Variants in DGKZ observed in about 807,000 individuals in gnomAD.
The protein encoded by DGKZ is diacylglycerol kinase zeta.
In DGKZ, 45 loss-of-function variants were observed where a neutral mutation model predicts 142.5. The observed-to-expected ratio is 0.32, with a 90% CI of 0.25 to 0.40. The LOEUF (loss-of-function observed/expected upper bound fraction) is 0.40. DGKZ is among the 10% of genes least tolerant of loss of function. The probability of loss-of-function intolerance (pLI) is 1.00; values close to 1 mark genes in which losing one functional copy is unlikely to be tolerated. For missense variants in DGKZ, 755 were observed against 1,306.5 expected (o/e 0.58, Z 6.51); for synonymous variants, 442 against 527.0 (o/e 0.84, Z 2.21).
chr11:46,347,503 C>A lies in DGKZ; in HGVS notation c.-157C>A. 5.1e-6 allele frequency: 5 copies of A among 982,428 alleles called. No individual in the cohort carries two copies. The highest frequency in any genetic ancestry group is 6.0e-6 in the Non-Finnish European group (5 of 829,100). 60.9% of individuals were successfully genotyped at this position (982,428 alleles called of 1,614,324 possible). A position where few individuals can be genotyped will look rare whatever the true frequency, so the allele number is the denominator to read the frequency against. On this transcript the variant is annotated 5_prime_UTR_variant, in exon 1 of 31. Coordinates refer to ENST00000527911, the Ensembl canonical transcript of DGKZ. This position sits in a 1 kb window ranked among gnomAD's most constrained non-coding sequence, Gnocchi z 6.4. Reference sequence around the variant, plus strand: ...GGCGGCGGCAGCGGCTTCCCGGGCACCTGGGCGTGGGGAGCGGGGGCGCGC... The same window carrying A: ...GGCGGCGGCAGCGGCTTCCCGGGCAACTGGGCGTGGGGAGCGGGGGCGCGC...
In DGKZ at chr11:46,372,177, G is replaced by A. The variant is rs756214779; in HGVS notation, c.927+7G>A. 61 of 1,600,534 alleles carry A rather than the reference G, an allele frequency of 3.8e-5. 1 individual carries two copies. Among genetic ancestry groups the A allele is most frequent in the South Asian group, 2.7e-4 (24 of 89,632 alleles). On this transcript the variant is annotated splice_region_variant and intron_variant, in intron 10 of 30. Coordinates refer to ENST00000527911, the Ensembl canonical transcript of DGKZ. The surrounding 1 kb of genome is among the most constrained non-coding windows in gnomAD (Gnocchi z 5.9). ...CAAGAGTGGGGGCAACCAGGTGAAC[G>A]CGGCCTTGCCTCTCAGCTAAGGGCT...
intron 1 of DGKZ, among the ~76,000 whole-genome samples, chr11:46,349,035 C>T (rs1941035857): frequency 6.6e-6 from 1 of 152,210 alleles, no homozygotes; most frequent in Non-Finnish European, 1.5e-5. Context: ...GGGCGGTTTT[C>T]TCCTGTCGTG....
chr11:46,378,016 G>A (rs756209637), intron 25 of DGKZ, 182 bp from the exon 26 acceptor site: 20 of 704,714 alleles, frequency 2.8e-5, no homozygotes, highest in Non-Finnish European at 4.1e-5. Context: ...TAAGCTCCAT[G>A]AGGGCAAGGC....
chr11:46,372,252 C>T lies in DGKZ; in HGVS notation c.927+82C>T, dbSNP rs1056627543. 2 of 1,411,872 alleles carry T rather than the reference C, an allele frequency of 1.4e-6. No homozygotes were observed. Among genetic ancestry groups the T allele is most frequent in the Non-Finnish European group, 1.9e-6 (2 of 1,035,504 alleles). 87.5% of individuals were successfully genotyped at this position (1,411,872 alleles called of 1,614,324 possible). On this transcript the variant is annotated intron_variant, in intron 10 of 30. Transcript: ENST00000527911. This position sits in a 1 kb window ranked among gnomAD's most constrained non-coding sequence, Gnocchi z 5.9. ...GTCTGCCAGCAGCTGTTCCCAGAGCCCGTTTCTGGCTTCTACCCCAATCCC... is the reference window on the plus strand; with the variant it reads ...GTCTGCCAGCAGCTGTTCCCAGAGCTCGTTTCTGGCTTCTACCCCAATCCC...
At chr11:46,339,363 G>A (rs907767182) in intron 1 of DGKZ, among the ~76,000 whole-genome samples, 3 of 152,252 alleles carry the variant, frequency 2.0e-5, no homozygotes, top group African/African-American at 7.2e-5. Flanking sequence ...AGAGAGCTGA[G>A]CTGAGCAGGG....
chr11:46,364,493 T>G (rs1943041021), intron 1 of DGKZ: 1 of 1,241,012 alleles, frequency 8.1e-7, no homozygotes, highest in South Asian at 1.4e-5. Context: ...GGGGCACTAT[T>G]TGGGGTCATA....
In DGKZ at chr11:46,372,063, C is replaced by G. The variant is rs1192538820; in HGVS notation, c.832-12C>G. Reference sequence around the variant, plus strand: ...CGGGAAGGAGCTTACAGCCTCTCACCTTGTCTCCCAGGAGGGCCGCTGGAG... The same window carrying G: ...CGGGAAGGAGCTTACAGCCTCTCACGTTGTCTCCCAGGAGGGCCGCTGGAG... On this transcript the variant is annotated splice_polypyrimidine_tract_variant and intron_variant, in intron 9 of 30. Transcript: ENST00000527911. The surrounding 1 kb of genome is among the most constrained non-coding windows in gnomAD (Gnocchi z 5.9). 3.1e-6 allele frequency: 5 copies of G among 1,603,670 alleles called. No individual in the cohort carries two copies. The highest frequency in any genetic ancestry group is 1.1e-5 in the South Asian group (1 of 89,134).
rs758235923 is a variant in DGKZ, at chr11:46,366,332, G to A, written c.162-959G>A. ...AGAGGGGCAGCAGCGGCCCAGCAGC[G>A]TGGGGCTGCCCACAGGCAAGGCCCG... On this transcript the variant is annotated intron_variant, in intron 1 of 30. Coordinates refer to ENST00000527911, the Ensembl canonical transcript of DGKZ. 5.2e-5 allele frequency: 82 copies of A among 1,563,228 alleles called. No individual in the cohort carries two copies. The East Asian group carries it at 1.0e-3, about 19-fold the overall frequency.
At chr11:46,347,439 C>CG, upstream of DGKZ, 1 of 982,276 alleles carries the variant, frequency 1.0e-6, no homozygotes, top group Non-Finnish European at 1.2e-6. This position sits in a 1 kb window ranked among gnomAD's most constrained non-coding sequence, Gnocchi z 6.4. Flanking sequence ...GCCAGCTATG[C>CG]GGGGTCCTGC....
chr11:46,366,818 A>G (rs1224879418), intron 1 of DGKZ: 10 of 1,545,632 alleles, frequency 6.5e-6, no homozygotes, highest in Non-Finnish European at 8.7e-6. Flanking sequence ...TCGGCGCCTC[A>G]GCCAGCGGCG....
intron 14 of DGKZ, 50 bp from the exon 15 acceptor site, chr11:46,374,107 G>A (rs372196185): frequency 2.1e-5 from 34 of 1,601,420 alleles, no homozygotes; most frequent in Middle Eastern, 1.7e-4. Context: ...CCTGGAGCGG[G>A]GACATTTGTG....
chr11:46,338,735 C>T (rs1940136913), intron 1 of DGKZ: 1 of 152,082 alleles, frequency 6.6e-6, no homozygotes, highest in South Asian at 2.1e-4. Flanking sequence ...GACCTGGGCT[C>T]CAATTCCAGC....
At chr11:46,364,039 G>C (rs1248824671) in intron 1 of DGKZ, among the ~76,000 whole-genome samples, 1 of 152,226 alleles carries the variant, frequency 6.6e-6, no homozygotes, top group African/African-American at 2.4e-5. Context: ...TACACGAGAT[G>C]ATAAAGTACT....
At chr11:46,346,916 G>C (rs1432657983), upstream of DGKZ, among the ~76,000 whole-genome samples, 2 of 152,188 alleles carry the variant, frequency 1.3e-5, no homozygotes, top group African/African-American at 2.4e-5. Context: ...AGTGACTTTG[G>C]TCACTGAGTG....
chr11:46,378,646 C>G (rs1313693313), intron 27 of DGKZ, 146 bp downstream of exon 27: 2 of 1,120,818 alleles, frequency 1.8e-6, no homozygotes, highest in East Asian at 2.5e-5. Context: ...AGTGATCGTC[C>G]CATTCCACTT....
chr11:46,370,058 G>A (rs1381356140), intron 6 of DGKZ, 49 bp downstream of exon 6: 1 of 1,608,626 alleles, frequency 6.2e-7, no homozygotes, highest in Non-Finnish European at 8.5e-7. Context: ...GCGGTCCTGA[G>A]CCCAGGCCAT....
At chr11:46,355,743 A>G (rs564426805) in intron 1 of DGKZ, among the ~76,000 whole-genome samples, 1 of 146,992 alleles carries the variant, frequency 6.8e-6, no homozygotes, top group Non-Finnish European at 1.5e-5. Flanking sequence ...GAGGTGTTAA[A>G]TTTTTTTTTT....
chr11:46,343,348 C>A (rs1284556707), upstream of DGKZ, among the ~76,000 whole-genome samples: 1 of 152,170 alleles, frequency 6.6e-6, no homozygotes, highest in African/African-American at 2.4e-5. Context: ...ATGTTCCCAT[C>A]ATGAGGGACA....
At chr11:46,378,331 C>T in intron 26 of DGKZ, 102 bp downstream of exon 26, 2 of 1,539,462 alleles carry the variant, frequency 1.3e-6, no homozygotes, top group African/African-American at 1.4e-5. Flanking sequence ...ACAAACACAG[C>T]CTTTGAGCTT....
Sources: allele counts gnomAD v4.1 joint callset (sites outside exome capture counted in the v4.1 genomes callset), GRCh38; gene constraint gnomAD v4.1.1; non-coding constraint Gnocchi (gnomAD v3.1); transcripts MANE v1.5; gene names NCBI Gene and HGNC (gene_info 2026-07-23, HGNC 2026-07-21).